GLYATL3: variants seen among roughly 807,000 people sequenced by gnomAD.
GLYATL3 encodes glycine N-acyltransferase-like protein 3.
GLYATL3 carries 31 observed loss-of-function variants against 28.5 expected under a neutral mutation model. The ratio of observed to expected loss-of-function variants is 1.09; its 90% confidence interval spans 0.82 to 1.47. GLYATL3 has a LOEUF of 1.47. Ranked by LOEUF, GLYATL3 falls within the 40% of genes most tolerant of loss-of-function variation. The pLI is 0.00. For missense variants in GLYATL3, 369 were observed against 351.5 expected, an observed-to-expected ratio of 1.05 and a Z score of -0.40; for synonymous variants, 141 against 140.2, an observed-to-expected ratio of 1.01 and a Z score of -0.04.
intron 1 of GLYATL3, 53 bp downstream of exon 1, chr6:49,500,095 A>C (rs1230890732): frequency 6.6e-6 from 1 of 152,210 alleles, no homozygotes; most frequent in Non-Finnish European, 1.5e-5. Context: ...TTATAATTGC[A>C]GAAAGGGATG....
chr6:49,511,616 G>A (rs1255801915), intron 1 of GLYATL3, among the ~76,000 whole-genome samples: 1 of 152,156 alleles, frequency 6.6e-6, no homozygotes, highest in Non-Finnish European at 1.5e-5. Context: ...CCTTCATACA[G>A]CTTATAGGTT....
At position 49,511,980 on chromosome 6, in the gene GLYATL3, C is replaced by G. The variant is rs1349491236; in HGVS notation, c.-11C>G. ...CTAATTAGGTGTGGAGTTGCAAGAG[C>G]TCTGGAAAAGATGTTGGTGCTAAAC... On this transcript the variant is annotated 5_prime_UTR_variant, in exon 2 of 6. Coordinates refer to ENST00000371197, the MANE Select transcript of GLYATL3 (RefSeq NM_001010904.2). 1 of 1,414,650 alleles carries G rather than the reference C, an allele frequency of 7.1e-7. No individual in the cohort carries two copies. Among genetic ancestry groups the G allele is most frequent in the Non-Finnish European group, 9.7e-7 (1 of 1,034,220 alleles). 87.6% of individuals were successfully genotyped at this position (1,414,650 alleles called of 1,614,324 possible).
intron 4 of GLYATL3, 42 bp downstream of exon 4, chr6:49,517,598 T>C: frequency 1.4e-6 from 2 of 1,480,932 alleles, no homozygotes; most frequent in Non-Finnish European, 1.8e-6. Flanking sequence ...GTCTTTTTTT[T>C]CCTCCTTAGC....
At chr6:49,525,357 G>A (rs1769388924) in intron 5 of GLYATL3, among the ~76,000 whole-genome samples, 1 of 151,822 alleles carries the variant, frequency 6.6e-6, no homozygotes, top group Non-Finnish European at 1.5e-5. Flanking sequence ...CTGGAGTGCA[G>A]CAGTTGGAGG....
intron 4 of GLYATL3, among the ~76,000 whole-genome samples, chr6:49,518,746 C>T (rs964190255): frequency 6.6e-6 from 1 of 152,072 alleles, no homozygotes; most frequent in Non-Finnish European, 1.5e-5. Context: ...TGAGACCATT[C>T]TGGCTAACAC....
chr6:49,507,588 G>A (rs1769032854), intron 1 of GLYATL3, among the ~76,000 whole-genome samples: 1 of 152,124 alleles, frequency 6.6e-6, no homozygotes, highest in Non-Finnish European at 1.5e-5. Flanking sequence ...GCATACCCAG[G>A]GACCTTACTG....
rs754703780 is a variant in GLYATL3 at position 49,526,859 on chromosome 6, G to C, written c.812G>C (p.Arg271Pro). ...KSLHAEFLPC[R>P]FHRLILTPAT... ...CTCCATGCTGAGTTCTTGCCTTGTC[G>C]CTTCCACAGGCTTATTCTCACCCCT... Residue 271 changes from arginine (R) to proline (P), a missense_variant, in exon 6 of 6, where the codon CGC (arginine) becomes CCC (proline). By Grantham distance (103) the Arg-to-Pro change is moderately radical (BLOSUM62 -2). Transcript: ENST00000371197. 17 of 1,550,930 alleles carry C rather than the reference G, an allele frequency of 1.1e-5. No individual in the cohort carries two copies. The highest frequency in any genetic ancestry group is 1.3e-5 in the Non-Finnish European group (15 of 1,146,506).
intron 1 of GLYATL3, among the ~76,000 whole-genome samples, chr6:49,508,222 G>C (rs907559204): frequency 3.9e-5 from 6 of 151,910 alleles, no homozygotes; most frequent in Non-Finnish European, 7.4e-5. Context: ...CGTGAACCCG[G>C]GAGGCAGAGC....
intron 5 of GLYATL3, among the ~76,000 whole-genome samples, chr6:49,525,681 G>A (rs1769398242): frequency 6.6e-6 from 1 of 151,728 alleles, no homozygotes; most frequent in South Asian, 2.1e-4. Flanking sequence ...CCACCAGTGG[G>A]AGATTTTATA....
intron 5 of GLYATL3, among the ~76,000 whole-genome samples, chr6:49,524,968 C>CAAAAAAAAAA (rs911424000): frequency 4.6e-5 from 2 of 43,690 alleles, no homozygotes; most frequent in Non-Finnish European, 9.5e-5. Context: ...GACTCCCTCT[C>CAAAAAAAAAA]AAAAAAAAAA....
chr6:49,526,307 G>A (rs556240520), intron 5 of GLYATL3, among the ~76,000 whole-genome samples, 181 bp from the exon 6 acceptor site: 266 of 152,176 alleles, frequency 1.7e-3, no homozygotes, highest in Non-Finnish European at 3.3e-3. Flanking sequence ...CAGCTACTTG[G>A]GAGGCTGAGG....
intron 1 of GLYATL3, among the ~76,000 whole-genome samples, chr6:49,505,527 T>A (rs1395311566): frequency 1.3e-5 from 2 of 152,222 alleles, no homozygotes; most frequent in East Asian, 3.9e-4. Flanking sequence ...CCTCTCATCA[T>A]GATGAATGAG....
chr6:49,500,869 A>G (rs756587639), intron 1 of GLYATL3, among the ~76,000 whole-genome samples: 1 of 152,190 alleles, frequency 6.6e-6, no homozygotes, highest in Non-Finnish European at 1.5e-5. Flanking sequence ...CATCAATGAG[A>G]ATTTCTGCTC....
chr6:49,515,823 G>T (rs990231426), intron 3 of GLYATL3, 63 bp downstream of exon 3: 9 of 908,256 alleles, frequency 9.9e-6, no homozygotes, highest in Non-Finnish European at 1.2e-5. Flanking sequence ...AGTAGGTAAT[G>T]GTATTTTATA....
intron 4 of GLYATL3, among the ~76,000 whole-genome samples, chr6:49,519,393 C>G (rs1302237162): frequency 1.3e-5 from 2 of 152,168 alleles, no homozygotes; most frequent in South Asian, 4.1e-4. Flanking sequence ...TCATTTAGCA[C>G]ATAAGTCAGC....
At chr6:49,506,736 A>C (rs1769017865) in intron 1 of GLYATL3, among the ~76,000 whole-genome samples, 1 of 152,164 alleles carries the variant, frequency 6.6e-6, no homozygotes. Flanking sequence ...GCTTGTAGTA[A>C]ATCATTAACA....
intron 1 of GLYATL3, among the ~76,000 whole-genome samples, chr6:49,504,989 C>T (rs768884786): frequency 1.1e-4 from 17 of 152,040 alleles, no homozygotes; most frequent in Middle Eastern, 3.2e-3. Context: ...GGATTAACTC[C>T]GAGAGATTGT....
rs181734769 is a variant in GLYATL3, at chr6:49,521,586, T to A, written c.314-59T>A. On this transcript the variant is annotated intron_variant, in intron 4 of 5. Transcript: ENST00000371197. Reference sequence around the variant, plus strand: ...CAGTATAAAATTACTGCAACAAATTTCCTTTTTGCTTTTTCAACTAAAATG... The same window carrying A: ...CAGTATAAAATTACTGCAACAAATTACCTTTTTGCTTTTTCAACTAAAATG... 3.3e-4 allele frequency: 477 copies of A among 1,456,754 alleles called. 16 individuals carry two copies. The Admixed American group carries it at 9.9e-3, about 30-fold the overall frequency. 90.2% of individuals were successfully genotyped at this position (1,456,754 alleles called of 1,614,324 possible). A position where few individuals can be genotyped will look rare whatever the true frequency, so the allele number is the denominator to read the frequency against.
chr6:49,505,065 G>A (rs1266755604), intron 1 of GLYATL3, among the ~76,000 whole-genome samples: 1 of 152,142 alleles, frequency 6.6e-6, no homozygotes, highest in Non-Finnish European at 1.5e-5. Flanking sequence ...TTTTCCAACT[G>A]AGAGAATATT....
Sources: gnomAD v4.1 joint callset for allele counts (sites outside exome capture counted in the v4.1 genomes callset) on GRCh38, gnomAD v4.1.1 for gene constraint, MANE v1.5 for transcripts, NCBI Gene and HGNC (gene_info 2026-07-23, HGNC 2026-07-21) for gene names.